Variants in PPM1D observed in about 807,000 individuals in gnomAD.
PPM1D encodes the protein protein phosphatase, Mg2+/Mn2+ dependent 1D, also known as protein phosphatase 1D.
PPM1D carries 52 observed loss-of-function variants against 58.3 expected under a neutral mutation model. That is an observed-to-expected ratio of 0.89 (90% confidence interval 0.71 to 1.12). The LOEUF (loss-of-function observed/expected upper bound fraction) is 1.12. Among genes scored for constraint, PPM1D ranks in the 50% most tolerant of loss-of-function variants. The pLI, the probability that PPM1D is intolerant of heterozygous loss-of-function variation, is 0.00. For missense variants in PPM1D, 564 were observed against 777.2 expected (o/e 0.73, Z 3.26); for synonymous variants, 278 against 285.1 (o/e 0.98, Z 0.25).
At position 60,624,503 on chromosome 17, in the gene PPM1D, C is replaced by T. The variant is rs184379540; in HGVS notation, c.701+754C>T. Among the ~76,000 whole-genome samples the T allele has an allele frequency of 2.8e-3, 428 of 152,280 alleles. 5 individuals are homozygous for T. The South Asian group carries it at 0.032, about 11-fold the overall frequency. The stretch of plus-strand genomic sequence containing the variant: ...ACAAACTAAGGAAAATAATTAGCAT[C>T]TGGCTGGGCACTGTGGCTCACACCT... On this transcript the variant is annotated intron_variant, in intron 2 of 5. Transcript: ENST00000305921.
chr17:60,634,830 G>A (rs2030992654), intron 3 of PPM1D, among the ~76,000 whole-genome samples: 1 of 152,096 alleles, frequency 6.6e-6, no homozygotes, highest in Admixed American at 6.6e-5. Context: ...ATTCAGCCTG[G>A]ATTGCAGTGG....
At chr17:60,626,177 A>G (rs1410843461) in intron 2 of PPM1D, among the ~76,000 whole-genome samples, 1 of 152,108 alleles carries the variant, frequency 6.6e-6, no homozygotes, top group Non-Finnish European at 1.5e-5. Context: ...TGCACTTGCC[A>G]GTATATTTGT....
chr17:60,626,084 C>T (rs2030801847), intron 2 of PPM1D, among the ~76,000 whole-genome samples: 1 of 152,010 alleles, frequency 6.6e-6, no homozygotes, highest in African/African-American at 2.4e-5. Context: ...TAATCAGTCT[C>T]CTATTGAAGG....
intron 1 of PPM1D, among the ~76,000 whole-genome samples, chr17:60,614,856 C>T (rs1336609119): frequency 6.6e-6 from 1 of 152,134 alleles, no homozygotes; most frequent in East Asian, 1.9e-4. Context: ...ACTCCGAACA[C>T]ATCCGAACAT....
At chr17:60,639,340 A>C (rs2031088599) in intron 3 of PPM1D, among the ~76,000 whole-genome samples, 1 of 152,120 alleles carries the variant, frequency 6.6e-6, no homozygotes, top group Admixed American at 6.5e-5. Flanking sequence ...TCTAACTCCT[A>C]ACCTCAGGTG....
chr17:60,626,790 C>T (rs1598404653), intron 2 of PPM1D, among the ~76,000 whole-genome samples: 3 of 152,062 alleles, frequency 2.0e-5, no homozygotes, highest in Non-Finnish European at 4.4e-5. Flanking sequence ...GCGATCCTCC[C>T]ACCTTGTCCT....
At chr17:60,637,633 A>G (rs2031050839) in intron 3 of PPM1D, among the ~76,000 whole-genome samples, 2 of 152,206 alleles carry the variant, frequency 1.3e-5, no homozygotes, top group African/African-American at 2.4e-5. Context: ...GGGAGCCAGT[A>G]GCATATAGAT....
chr17:60,612,475 C>A (rs908920666), intron 1 of PPM1D, among the ~76,000 whole-genome samples: 1 of 152,114 alleles, frequency 6.6e-6, no homozygotes, highest in Non-Finnish European at 1.5e-5. Flanking sequence ...GGTATGGTAT[C>A]ATTGTTAACT....
At position 60,622,783 on chromosome 17, in the gene PPM1D, C is replaced by G. The variant is rs192067717; in HGVS notation, c.473-738C>G. On this transcript the variant is annotated intron_variant, in intron 1 of 5. Transcript: ENST00000305921. ...GTAAATGTAATTTGTTAAGTAGTGA[C>G]TATTCAAAATAGTTATTTCAAAAAC... Among the ~76,000 whole-genome samples the G allele has an allele frequency of 3.3e-5, 5 of 152,268 alleles. No homozygotes were observed. The East Asian group carries it at 9.6e-4, about 29-fold the overall frequency.
At chr17:60,601,953 T>A (rs2030221804) in intron 1 of PPM1D, among the ~76,000 whole-genome samples, 2 of 152,166 alleles carry the variant, frequency 1.3e-5, no homozygotes, top group African/African-American at 4.8e-5. Flanking sequence ...CATAATAACG[T>A]TGCTTTATTT....
intron 4 of PPM1D, among the ~76,000 whole-genome samples, chr17:60,649,837 G>A (rs2031312042): frequency 6.6e-6 from 1 of 152,154 alleles, no homozygotes; most frequent in South Asian, 2.1e-4. Context: ...AATCCCATTA[G>A]ATCATGAGTT....
At chr17:60,633,758 TGTA>T in intron 2 of PPM1D, 92 bp from the exon 3 acceptor site, 7 of 1,230,824 alleles carry the variant, frequency 5.7e-6, no homozygotes, top group South Asian at 1.5e-5. Flanking sequence ...TTTGTAATAA[TGTA>T]GTCTTATTTT....
At chr17:60,654,182 A>T (rs1372282584) in intron 4 of PPM1D, among the ~76,000 whole-genome samples, 2 of 151,400 alleles carry the variant, frequency 1.3e-5, no homozygotes, top group African/African-American at 4.9e-5. Context: ...ATTTTGAGGT[A>T]TATTTCTACT....
At chr17:60,616,260 C>G (rs1197011959) in intron 1 of PPM1D, among the ~76,000 whole-genome samples, 2 of 148,910 alleles carry the variant, frequency 1.3e-5, no homozygotes, top group Non-Finnish European at 1.5e-5. Flanking sequence ...TGTACTGTAG[C>G]CTGGGCGACA....
chr17:60,646,528 AAG>A (rs1333531996), intron 3 of PPM1D, among the ~76,000 whole-genome samples: 4 of 149,438 alleles, frequency 2.7e-5, no homozygotes, highest in African/African-American at 1.0e-4. Context: ...CAATAAACAA[AAG>A]AGGCAGAAAT....
chr17:60,662,438 T>C (rs1383150360), intron 5 of PPM1D: 1 of 153,110 alleles, frequency 6.5e-6, no homozygotes, highest in Non-Finnish European at 1.5e-5. Context: ...TAGTAAGCAC[T>C]TAATGGCATC....
chr17:60,650,993 A>G (rs1345757980), intron 4 of PPM1D, among the ~76,000 whole-genome samples: 1 of 152,214 alleles, frequency 6.6e-6, no homozygotes, highest in Non-Finnish European at 1.5e-5. Flanking sequence ...GAAGCGTGGA[A>G]ATACTAATTT....
chr17:60,630,739 T>C (rs1468725786), intron 2 of PPM1D, among the ~76,000 whole-genome samples: 2 of 152,236 alleles, frequency 1.3e-5, no homozygotes, highest in Non-Finnish European at 2.9e-5. Flanking sequence ...TATCTTTGAA[T>C]ATTAAGTGTC....
At chr17:60,619,391 A>T (rs1474744190) in intron 1 of PPM1D, among the ~76,000 whole-genome samples, 2 of 151,940 alleles carry the variant, frequency 1.3e-5, no homozygotes, top group Non-Finnish European at 2.9e-5. Flanking sequence ...TTTTCTTTGG[A>T]TATACATTCA....
Sources: gnomAD v4.1 joint callset for allele counts (sites outside exome capture counted in the v4.1 genomes callset) on GRCh38, gnomAD v4.1.1 for gene constraint, MANE v1.5 for transcripts, NCBI Gene and HGNC (gene_info 2026-07-23, HGNC 2026-07-21) for gene names.